The following PACRG variants were observed in gnomAD, a reference collection of about 807,000 sequenced individuals.
PACRG encodes the protein parkin coregulated, also known as parkin coregulated gene protein.
In PACRG, 29 loss-of-function variants were observed where a neutral mutation model predicts 29.7. The ratio of observed to expected loss-of-function variants is 0.98; its 90% confidence interval spans 0.73 to 1.33. The LOEUF is 1.33. PACRG is among the 40% of genes most tolerant of loss of function. The pLI, the probability that PACRG is intolerant of heterozygous loss-of-function variation, is 0.00. For synonymous variants in PACRG, 116 were observed against 118.7 expected, an observed-to-expected ratio of 0.98 and a Z score of 0.15; for missense variants, 279 against 316.2, an observed-to-expected ratio of 0.88 and a Z score of 0.89.
At chr6:162,818,014 CT>C (rs911952798) in intron 2 of PACRG, among the ~76,000 whole-genome samples, 15 of 151,048 alleles carry the variant, frequency 9.9e-5, no homozygotes, top group East Asian at 5.8e-4. Flanking sequence ...CCAGGAATAG[CT>C]TTTTTTTTAA....
rs557975073 is a variant in PACRG at position 162,894,031 on chromosome 6, G to A, written c.291+79750G>A. On this transcript the variant is annotated intron_variant, in intron 2 of 4. Transcript: ENST00000366888. Reference sequence around the variant, plus strand: ...ACACCACAGCAAGGGACCCAAGCTCGGCGCACCATTGTCCTTTTTCATTCT... The same window carrying A: ...ACACCACAGCAAGGGACCCAAGCTCAGCGCACCATTGTCCTTTTTCATTCT... 2.8e-4 allele frequency among the ~76,000 whole-genome samples: 42 copies of A among 152,258 alleles called. 1 individual carries two copies. The East Asian group carries it at 5.6e-3, about 20-fold the overall frequency.
At chr6:162,747,332 A>G (rs1187591079) in intron 1 of PACRG, among the ~76,000 whole-genome samples, 1 of 48,002 alleles carries the variant, frequency 2.1e-5, no homozygotes, top group Non-Finnish European at 3.3e-5. Context: ...GCTCATATAT[A>G]TATATATATA....
intron 1 of PACRG, among the ~76,000 whole-genome samples, chr6:162,808,588 A>G (rs964717308): frequency 6.6e-6 from 1 of 152,216 alleles, no homozygotes; most frequent in Non-Finnish European, 1.5e-5. Flanking sequence ...TAAATCCATT[A>G]TGCCACATTC....
intron 2 of PACRG, among the ~76,000 whole-genome samples, chr6:162,845,211 A>G (rs1475410767): frequency 6.6e-6 from 1 of 151,368 alleles, no homozygotes; most frequent in Non-Finnish European, 1.5e-5. Flanking sequence ...AATACTTCAG[A>G]CAAAATACTA....
chr6:163,255,580 ACC>A (rs1207867626), intron 4 of PACRG, among the ~76,000 whole-genome samples: 2 of 149,458 alleles, frequency 1.3e-5, no homozygotes, highest in African/African-American at 5.1e-5. Context: ...GGGGCGACCC[ACC>A]CAATCACCTG....
intron 1 of PACRG, among the ~76,000 whole-genome samples, chr6:162,810,717 A>T (rs1786781874): frequency 6.6e-6 from 1 of 152,188 alleles, no homozygotes. Flanking sequence ...ACAAACTTGA[A>T]GATAGAGCAG....
rs398003265 is a variant in PACRG, at chr6:163,177,710, ATTTTTTT to A, written c.613+88323_613+88329del. On this transcript the variant is annotated intron_variant, in intron 4 of 4. Transcript: ENST00000366888. Reference sequence around the variant, plus strand: ...TGTTAGCTAAGAAATTAGAAAAGGGATTTTTTTTTTTTTTTTTTTTTTTTTTTGCGGG... The same window carrying A: ...TGTTAGCTAAGAAATTAGAAAAGGGATTTTTTTTTTTTTTTTTTTTGCGGG... Among the ~76,000 whole-genome samples the A allele has an allele frequency of 2.7e-3, 146 of 53,744 alleles. 4 individuals are homozygous for A. Among genetic ancestry groups the A allele is most frequent in the South Asian group, 2.4e-3 (2 of 834 alleles). The allele number at this position is 53,744 out of a possible 152,430, so 35.3% of individuals were successfully genotyped here. A position where few individuals can be genotyped will look rare whatever the true frequency, so the allele number is the denominator to read the frequency against.
chr6:162,850,694 A>G (rs1445627945), intron 2 of PACRG, among the ~76,000 whole-genome samples: 1 of 152,172 alleles, frequency 6.6e-6, no homozygotes, highest in Non-Finnish European at 1.5e-5. Flanking sequence ...TTTCCCCCAT[A>G]TCTTGCCCTA....
At chr6:163,281,110 G>C (rs1305869909) in intron 4 of PACRG, among the ~76,000 whole-genome samples, 1 of 152,076 alleles carries the variant, frequency 6.6e-6, no homozygotes, top group East Asian at 1.9e-4. Flanking sequence ...GCCAGTGCAA[G>C]CACAAGTGGG....
chr6:162,783,426 T>C (rs1028597495), intron 1 of PACRG, among the ~76,000 whole-genome samples: 2 of 151,970 alleles, frequency 1.3e-5, no homozygotes, highest in African/African-American at 4.8e-5. Flanking sequence ...TCCTCCTTTC[T>C]TTCTCCTCTC....
At chr6:163,068,883 T>TG (rs1157979112) in intron 3 of PACRG, among the ~76,000 whole-genome samples, 1 of 152,022 alleles carries the variant, frequency 6.6e-6, no homozygotes, top group Non-Finnish European at 1.5e-5. Flanking sequence ...TTGTTTGGGG[T>TG]GGGGGGTATT....
intron 4 of PACRG, among the ~76,000 whole-genome samples, chr6:163,121,085 T>C (rs1485684379): frequency 6.6e-6 from 1 of 152,192 alleles, no homozygotes; most frequent in Non-Finnish European, 1.5e-5. Context: ...ATTTAAGAAA[T>C]AGCTACAGTT....
intron 1 of PACRG, among the ~76,000 whole-genome samples, chr6:162,781,268 T>C (rs1418794541): frequency 6.6e-6 from 1 of 152,040 alleles, no homozygotes; most frequent in Non-Finnish European, 1.5e-5. Flanking sequence ...TATAATTCTT[T>C]ATTCTGAAGA....
intron 2 of PACRG, among the ~76,000 whole-genome samples, chr6:162,897,487 A>T (rs556955483): frequency 6.6e-5 from 10 of 152,176 alleles, no homozygotes; most frequent in Non-Finnish European, 5.9e-5. Flanking sequence ...TGGTATAGAG[A>T]TTTATTCCTC....
intron 2 of PACRG, among the ~76,000 whole-genome samples, chr6:163,009,676 A>G (rs1243789164): frequency 1.3e-5 from 2 of 152,216 alleles, no homozygotes; most frequent in Non-Finnish European, 2.9e-5. Flanking sequence ...ACAGTGATGA[A>G]CAATAAGCTA....
At chr6:162,742,015 A>G (rs1471805439) in intron 1 of PACRG, among the ~76,000 whole-genome samples, 2 of 152,108 alleles carry the variant, frequency 1.3e-5, no homozygotes, top group Non-Finnish European at 2.9e-5. Context: ...TATTTCTCCT[A>G]TTTAACTAAA....
rs533101534 is a variant in PACRG, at chr6:163,013,483, C to T, written c.292-48667C>T. Among the ~76,000 whole-genome samples, 15 of 150,704 alleles carry T rather than the reference C, an allele frequency of 1.0e-4. No individual in the cohort carries two copies. The South Asian group carries it at 2.7e-3, about 27-fold the overall frequency. The stretch of plus-strand genomic sequence containing the variant: ...ACTTAGAAGTAAATTATGCTCTGTT[C>T]GACAATGTGGATTGTCTTTCCCTTC... On this transcript the variant is annotated intron_variant, in intron 2 of 4. Coordinates refer to ENST00000366888, the MANE Select transcript of PACRG (RefSeq NM_001080379.2).
chr6:162,806,729 T>C (rs766434008), intron 1 of PACRG, among the ~76,000 whole-genome samples: 1 of 152,186 alleles, frequency 6.6e-6, no homozygotes, highest in Non-Finnish European at 1.5e-5. Flanking sequence ...TGCCTCATTA[T>C]TAAGGGCTCT....
At chr6:163,288,211 G>A (rs902027202) in intron 4 of PACRG, among the ~76,000 whole-genome samples, 3 of 152,228 alleles carry the variant, frequency 2.0e-5, no homozygotes, top group Non-Finnish European at 2.9e-5. Flanking sequence ...GCTGGCGTCT[G>A]ATTCACCTTC....
Sources: gnomAD v4.1 joint callset for allele counts (sites outside exome capture counted in the v4.1 genomes callset) on GRCh38, gnomAD v4.1.1 for gene constraint, MANE v1.5 for transcripts, NCBI Gene and HGNC (gene_info 2026-07-23, HGNC 2026-07-21) for gene names.